SCML4: variants seen among roughly 807,000 people sequenced by gnomAD.
The protein encoded by SCML4 is sex comb on midleg-like protein 4.
A neutral mutation model predicts 41.1 loss-of-function variants in SCML4; 34 were observed. That is an observed-to-expected ratio of 0.83 (90% CI 0.63 to 1.10). The LOEUF (loss-of-function observed/expected upper bound fraction) is 1.10, where lower values mean the gene tolerates loss of function less well. SCML4 is among the 50% of genes least tolerant of loss of function. SCML4 has a pLI of 0.00. For missense variants in SCML4, 522 were observed against 534.1 expected (o/e 0.98, Z 0.22); for synonymous variants, 214 against 220.9 (o/e 0.97, Z 0.28).
intron 5 of SCML4, among the ~76,000 whole-genome samples, chr6:107,722,053 G>T (rs846979): frequency 6.7e-6 from 1 of 149,834 alleles, no homozygotes; most frequent in South Asian, 2.1e-4. Flanking sequence ...GCAGTGGTGC[G>T]ATCTCGGCTC....
At chr6:107,725,656 A>T (rs1429288570) in intron 5 of SCML4, among the ~76,000 whole-genome samples, 1 of 152,256 alleles carries the variant, frequency 6.6e-6, no homozygotes, top group African/African-American at 2.4e-5. Context: ...CAAAAATTAT[A>T]AAACTCTTAG....
chr6:107,845,988 G>C, the SCML4 span, among the ~76,000 whole-genome samples: 10 of 152,208 alleles, frequency 6.6e-5, no homozygotes, highest in African/African-American at 1.9e-4. Context: ...GATGTGGGGA[G>C]AGAAGGGCGC....
At position 107,707,963 on chromosome 6, in the gene SCML4, C is replaced by G. The variant is rs199533181; in HGVS notation, c.1022G>C (p.Arg341Thr). The G allele has an allele frequency of 2.6e-6, 4 of 1,551,662 alleles. No individual in the cohort carries two copies. The highest frequency in any genetic ancestry group is 3.5e-6 in the Non-Finnish European group (4 of 1,147,008). The change falls in exon 7 of 8, where the codon AGG becomes ACG. Residue 341 changes from arginine (R) to threonine (T), a missense_variant. Coordinates refer to ENST00000369020, the MANE Select transcript of SCML4 (RefSeq NM_198081.5). ...CTCCACAGTCCAGGCGGAGGGGTTC[C>G]TGCTCCGTGGCCGCCTGGCATCCTG... ...DAQDARRPRS[R>T]NPSAWTVEDV...
At chr6:107,786,189 G>A (rs572998883) in intron 1 of SCML4, among the ~76,000 whole-genome samples, 3 of 152,310 alleles carry the variant, frequency 2.0e-5, no homozygotes, top group African/African-American at 4.8e-5. Context: ...GAGTTGGATC[G>A]CAGCAGGTCT....
Position 107,772,175 on chromosome 6 carries a change from G to C in SCML4, c.153C>G (p.Tyr51Ter). The change falls in exon 2 of 8, where the codon TAC becomes TAG. Residue 51 changes from tyrosine (Y) to a stop codon, truncating the protein, a stop_gained. Coordinates refer to ENST00000369020, the MANE Select transcript of SCML4 (RefSeq NM_198081.5). LOFTEE classifies it high-confidence loss of function. ...IPKKRGRKPG[Y>*]KIKSRVLMTP... ...GAAGGAGATGATGGAGCCGTACCTT[G>C]TACCCGGGTTTCCGCCCTCTTTTCT... 1 of 1,549,816 alleles carries C rather than the reference G, an allele frequency of 6.5e-7. No homozygotes were observed. The highest frequency in any genetic ancestry group is 8.7e-7 in the Non-Finnish European group (1 of 1,146,080).
chr6:107,766,319 G>A (rs963329734), intron 2 of SCML4, among the ~76,000 whole-genome samples: 2 of 148,346 alleles, frequency 1.3e-5, no homozygotes, highest in African/African-American at 2.5e-5. Flanking sequence ...GCAGTGAGCC[G>A]AAATTGCGCC....
chr6:107,802,762 C>G (rs1489333833), intron 1 of SCML4, among the ~76,000 whole-genome samples: 1 of 149,226 alleles, frequency 6.7e-6, no homozygotes, highest in Non-Finnish European at 1.5e-5. Flanking sequence ...TCTCCCTCTC[C>G]CTCTCTTTCC....
intron 1 of SCML4, among the ~76,000 whole-genome samples, chr6:107,779,537 T>TAA (rs1209230608): frequency 6.6e-6 from 1 of 152,194 alleles, no homozygotes; most frequent in Non-Finnish European, 1.5e-5. Flanking sequence ...GAGGTAGCTT[T>TAA]AAGGATGCCT....
At chr6:107,717,143 C>CAAAAAAAAAAAAA in intron 6 of SCML4, among the ~76,000 whole-genome samples, 1 of 63,536 alleles carries the variant, frequency 1.6e-5, no homozygotes. Context: ...ACTAAAAATA[C>CAAAAAAAAAAAAA]AAAAAAAAAA....
rs1386084123 is a variant in SCML4 at position 107,705,333 on chromosome 6, G to A, written c.1120-8C>T. ...AGCGTTGCCATCAATCTCCTGGTGG[G>A]ATAGGATCAGAAGAAAGATAAACCC... On this transcript the variant is annotated splice_polypyrimidine_tract_variant and splice_region_variant and intron_variant, in intron 7 of 7. Transcript: ENST00000369020. The A allele has an allele frequency of 7.1e-6, 11 of 1,551,192 alleles. No individual in the cohort carries two copies. The highest frequency in any genetic ancestry group is 7.8e-6 in the Non-Finnish European group (9 of 1,146,718).
intron 6 of SCML4, among the ~76,000 whole-genome samples, chr6:107,712,381 A>G (rs919123298): frequency 3.9e-5 from 6 of 152,214 alleles, no homozygotes; most frequent in Non-Finnish European, 8.8e-5. Flanking sequence ...GAGCTAGGTC[A>G]GGGAAACACT....
rs1337524419 is a variant in SCML4, at chr6:107,702,854, G to A, written c.*2346C>T. Among the ~76,000 whole-genome samples, 1 of 152,188 alleles carries A rather than the reference G, an allele frequency of 6.6e-6. No individual in the cohort carries two copies. Among genetic ancestry groups the A allele is most frequent in the Non-Finnish European group, 1.5e-5 (1 of 68,048 alleles). On this transcript the variant is annotated 3_prime_UTR_variant, in exon 8 of 8. Transcript: ENST00000369020. ...GGTAAAATGAGGCTGAGACCTACTG[G>A]GCTGCATTCCCAGATGGCTAAAGCA...
At chr6:107,708,191 CCA>C (rs1352374606) in intron 6 of SCML4, among the ~76,000 whole-genome samples, 180 bp from the exon 7 acceptor site, 19 of 152,168 alleles carry the variant, frequency 1.2e-4, no homozygotes, top group Non-Finnish European at 2.5e-4. Flanking sequence ...TATCAGCAGC[CCA>C]GAGTGCAGAA....
rs921664511 is a variant in SCML4 at position 107,781,783 on chromosome 6, C to A, written c.-59-9397G>T. 1.3e-4 allele frequency among the ~76,000 whole-genome samples: 20 copies of A among 152,230 alleles called. 1 individual carries two copies. The highest frequency in any genetic ancestry group is 1.2e-3 in the Admixed American group (18 of 15,292). On this transcript the variant is annotated intron_variant, in intron 1 of 7. Coordinates refer to ENST00000369020, the MANE Select transcript of SCML4 (RefSeq NM_198081.5). ...CAAGGTGCAAACTTGTTTCTTCAGC[C>A]AGTAGTAGATGAAGCTTCTAGATGT...
chr6:107,838,306 C>T, the SCML4 span, among the ~76,000 whole-genome samples: 1 of 152,102 alleles, frequency 6.6e-6, no homozygotes, highest in East Asian at 1.9e-4. Flanking sequence ...CTGTGGCTCT[C>T]CAGAGCCCCA....
intron 5 of SCML4, among the ~76,000 whole-genome samples, chr6:107,724,532 A>G (rs1048068134): frequency 6.6e-6 from 1 of 152,220 alleles, no homozygotes; most frequent in African/African-American, 2.4e-5. Context: ...TTCCATTTAT[A>G]ATAGTATGAA....
At chr6:107,800,715 CA>C (rs1209892947) in intron 1 of SCML4, among the ~76,000 whole-genome samples, 12 of 152,310 alleles carry the variant, frequency 7.9e-5, no homozygotes, top group Admixed American at 7.2e-4. Context: ...CCCAATTCTA[CA>C]GACATTACTT....
chr6:107,791,068 T>TAA (rs71274314), intron 1 of SCML4, among the ~76,000 whole-genome samples: 118 of 130,490 alleles, frequency 9.0e-4, no homozygotes, highest in East Asian at 4.6e-3. Context: ...AGACTCCGTC[T>TAA]AAAAAAAAAA....
chr6:107,727,934 A>G (rs1289145610), intron 5 of SCML4, among the ~76,000 whole-genome samples: 1 of 152,256 alleles, frequency 6.6e-6, no homozygotes, highest in African/African-American at 2.4e-5. Context: ...AGCTACATGC[A>G]GTATCTGGCA....
Sources: gnomAD v4.1 joint callset for allele counts (sites outside exome capture counted in the v4.1 genomes callset) on GRCh38, gnomAD v4.1.1 for gene constraint, MANE v1.5 for transcripts, NCBI Gene and HGNC (gene_info 2026-07-23, HGNC 2026-07-21) for gene names.